Variants in NOXRED1 observed in about 807,000 individuals in gnomAD.
The protein encoded by NOXRED1 is NADP dependent oxidoreductase domain containing 1, also known as NADP-dependent oxidoreductase domain-containing protein 1.
In NOXRED1, 20 loss-of-function variants were observed where a neutral mutation model predicts 30.4. That is an observed-to-expected ratio of 0.66 (90% CI 0.46 to 0.96). The LOEUF (loss-of-function observed/expected upper bound fraction) is 0.96. NOXRED1 is among the 40% of genes least tolerant of loss of function. The probability of loss-of-function intolerance (pLI) is 0.00; values close to 1 mark genes in which losing one functional copy is unlikely to be tolerated. For synonymous variants in NOXRED1, 155 were observed against 168.0 expected (o/e 0.92, Z 0.60); for missense variants, 374 against 428.0 (o/e 0.87, Z 1.11).
At chr14:77,410,549 T>C (rs758849432) in intron 2 of NOXRED1, among the ~76,000 whole-genome samples, 1 of 152,008 alleles carries the variant, frequency 6.6e-6, no homozygotes, top group Non-Finnish European at 1.5e-5. Flanking sequence ...GCAGGGAGGT[T>C]GTAGTGAGCC....
At chr14:77,404,907 ATATT>A (rs1182233769) in intron 5 of NOXRED1, among the ~76,000 whole-genome samples, 8 of 152,340 alleles carry the variant, frequency 5.3e-5, no homozygotes, top group African/African-American at 1.2e-4. Context: ...AAGATCAAAA[ATATT>A]TATTTGATAG....
At chr14:77,416,424 C>T (rs1239246462) in intron 1 of NOXRED1, among the ~76,000 whole-genome samples, 1 of 152,122 alleles carries the variant, frequency 6.6e-6, no homozygotes, top group Non-Finnish European at 1.5e-5. Flanking sequence ...ATGCTGCCTT[C>T]AAGCATCTGT....
rs375791518 is a variant in NOXRED1, at chr14:77,407,601, C to T, written c.394G>A (p.Asp132Asn). 105 of 1,614,044 alleles carry T rather than the reference C, an allele frequency of 6.5e-5. No homozygotes were observed. The highest frequency in any genetic ancestry group is 1.6e-4 in the Middle Eastern group (1 of 6,084). Residue 132 changes from aspartate to asparagine, a missense_variant, in exon 3 of 6, where the codon GAT becomes AAT. Physicochemically the swap from Asp to Asn is conservative, Grantham distance 23. Coordinates refer to ENST00000380835, the MANE Select transcript of NOXRED1 (RefSeq NM_001113475.3). ...LGIKCFYHNA[D>N]LVSWADVIFL... ...ATCACATCGGCCCAACTCACCAGAT[C>T]AGCGTTATGGTAAAAGCATTTGATT...
At chr14:77,416,897 T>C (rs1020198972) in intron 1 of NOXRED1, among the ~76,000 whole-genome samples, 1 of 152,138 alleles carries the variant, frequency 6.6e-6, no homozygotes, top group Non-Finnish European at 1.5e-5. Context: ...CACCTCCCAG[T>C]AGGGGCGGCC....
intron 1 of NOXRED1, among the ~76,000 whole-genome samples, chr14:77,417,452 G>A (rs565597274): frequency 6.6e-6 from 1 of 152,300 alleles, no homozygotes; most frequent in South Asian, 2.1e-4. Context: ...CATATATGTG[G>A]ATGTTCTGAT....
At chr14:77,395,954 C>T (rs1013276966) in intron 5 of NOXRED1, among the ~76,000 whole-genome samples, 4 of 151,978 alleles carry the variant, frequency 2.6e-5, no homozygotes, top group Middle Eastern at 3.4e-3. Context: ...TGATGGTGCG[C>T]ACCTGTAGTC....
chr14:77,399,722 C>T (rs1894274340), intron 5 of NOXRED1, among the ~76,000 whole-genome samples: 1 of 151,912 alleles, frequency 6.6e-6, no homozygotes, highest in South Asian at 2.1e-4. Flanking sequence ...AACAAAATAT[C>T]CAAGGACTGT....
At chr14:77,407,348 T>A in intron 3 of NOXRED1, 117 bp downstream of exon 3, 1 of 739,472 alleles carries the variant, frequency 1.4e-6, no homozygotes, top group East Asian at 2.5e-5. Flanking sequence ...GCTTCCTCCT[T>A]ATTACTGGAA....
At position 77,422,883 on chromosome 14, in the gene NOXRED1, T is replaced by C. The variant is rs781501210; in HGVS notation, c.7A>G (p.Met3Val). MD[M>V]LQDLESLQFE... ...TGCAGGGACTCAAGGTCCTGGAGCA[T>C]GTCCATTTCCAAGCCACTATTTCCT... The change falls in exon 1 of 6, where the codon ATG becomes GTG. Residue 3 changes from methionine (M) to valine (V), a missense_variant. Physicochemically the swap from Met to Val is conservative, Grantham distance 21 (BLOSUM62 1). Coordinates refer to ENST00000380835, the MANE Select transcript of NOXRED1 (RefSeq NM_001113475.3). 1 of 1,610,678 alleles carries C rather than the reference T, an allele frequency of 6.2e-7. No individual in the cohort carries two copies. Among genetic ancestry groups the C allele is most frequent in the Non-Finnish European group, 8.5e-7 (1 of 1,178,916 alleles).
At chr14:77,411,196 T>A (rs947470617) in intron 2 of NOXRED1, among the ~76,000 whole-genome samples, 5 of 152,042 alleles carry the variant, frequency 3.3e-5, no homozygotes. Flanking sequence ...CAGCTGGGCA[T>A]GGTGGCTCAC....
intron 1 of NOXRED1, among the ~76,000 whole-genome samples, chr14:77,414,445 C>T (rs562697838): frequency 6.6e-6 from 1 of 152,244 alleles, no homozygotes; most frequent in East Asian, 1.9e-4. Flanking sequence ...TCCCAAAGTG[C>T]TGGGATTACA....
At chr14:77,422,690 A>G (rs1895027271) in intron 1 of NOXRED1, 45 bp downstream of exon 1, 1 of 1,572,278 alleles carries the variant, frequency 6.4e-7, no homozygotes, top group Admixed American at 1.7e-5. Flanking sequence ...AATTCTCAGC[A>G]GTGAGATTCT....
intron 1 of NOXRED1, among the ~76,000 whole-genome samples, chr14:77,415,768 G>A (rs934065768): frequency 6.7e-6 from 1 of 149,982 alleles, no homozygotes; most frequent in South Asian, 2.1e-4. Flanking sequence ...GGAGTGCTGC[G>A]GCACAATCTC....
chr14:77,422,798 C>T lies in NOXRED1; in HGVS notation c.92G>A (p.Arg31Gln), dbSNP rs761422368. The T allele has an allele frequency of 8.1e-6, 13 of 1,614,024 alleles. No individual in the cohort carries two copies. Among genetic ancestry groups the T allele is most frequent in the South Asian group, 1.1e-5 (1 of 91,078 alleles). ...GGCACAAGCCTCGATCATCAGTCCC[C>T]GAGAACGGCCCTGCAAATACAGCCA... The part of the protein sequence containing the change: ...RIWLYLQGRS[R>Q]GLMIEACAHA... The change falls in exon 1 of 6, where the codon CGG (arginine) becomes CAG (glutamine). Residue 31 changes from arginine (R) to glutamine (Q), a missense_variant. By Grantham distance (43) the Arg-to-Gln change is conservative. Transcript: ENST00000380835.
chr14:77,395,113 T>C (rs1035611640), intron 5 of NOXRED1, among the ~76,000 whole-genome samples: 31 of 150,324 alleles, frequency 2.1e-4, no homozygotes, highest in Non-Finnish European at 3.1e-4. Flanking sequence ...TTCTTTCTTT[T>C]TTTTTTTTTT....
intron 5 of NOXRED1, among the ~76,000 whole-genome samples, chr14:77,402,894 G>A (rs907354417): frequency 4.6e-5 from 7 of 151,698 alleles, no homozygotes; most frequent in Admixed American, 3.3e-4. Flanking sequence ...AATTAGCCGG[G>A]TGTGGTGGTG....
chr14:77,394,735 T>C lies in NOXRED1; in HGVS notation c.976A>G (p.Ser326Gly), dbSNP rs1471718775. ...ETPFSQHLSSSPVLQDHLTHL... is the reference protein window; with the variant it reads ...ETPFSQHLSSGPVLQDHLTHL... ...GTAAGGTGGTCTTGGAGAACAGGACTACTTGAGAGATGCTGGCTAAACGGA... is the reference window on the plus strand; with the variant it reads ...GTAAGGTGGTCTTGGAGAACAGGACCACTTGAGAGATGCTGGCTAAACGGA... Residue 326 changes from serine to glycine, a missense_variant, in exon 6 of 6, where the codon AGT becomes GGT. Transcript: ENST00000380835. 6.2e-7 allele frequency: 1 copy of C among 1,613,072 alleles called. No individual in the cohort carries two copies. Among genetic ancestry groups the C allele is most frequent in the Admixed American group, 1.7e-5 (1 of 60,006 alleles).
At chr14:77,418,866 G>T (rs1306441870) in intron 1 of NOXRED1, among the ~76,000 whole-genome samples, 2 of 152,018 alleles carry the variant, frequency 1.3e-5, no homozygotes, top group East Asian at 1.9e-4. Flanking sequence ...AATTAAAAAT[G>T]ATTTATGTGC....
At chr14:77,413,828 A>G in intron 2 of NOXRED1, 106 bp downstream of exon 2, 2 of 707,742 alleles carry the variant, frequency 2.8e-6, no homozygotes, top group Non-Finnish European at 4.4e-6. Flanking sequence ...TGAGAACTCC[A>G]CACGCTGTAT....
Sources: allele counts gnomAD v4.1 joint callset (sites outside exome capture counted in the v4.1 genomes callset), GRCh38; gene constraint gnomAD v4.1.1; transcripts MANE v1.5; gene names NCBI Gene and HGNC (gene_info 2026-07-23, HGNC 2026-07-21).